Variants in MGAT4C observed in about 807,000 individuals in gnomAD.
MGAT4C encodes MGAT4 family member C, also known as alpha-1,3-mannosyl-glycoprotein 4-beta-N-acetylglucosaminyltransferase C.
MGAT4C carries 19 observed loss-of-function variants against 40.1 expected under a neutral mutation model. The observed-to-expected ratio is 0.47, with a 90% CI of 0.33 to 0.70. The LOEUF is 0.70. MGAT4C is among the 30% of genes least tolerant of loss of function. The probability of loss-of-function intolerance (pLI) is 0.02; values close to 1 mark genes in which losing one functional copy is unlikely to be tolerated. For synonymous variants in MGAT4C, 181 were observed against 187.1 expected (o/e 0.97, Z 0.27); for missense variants, 491 against 563.2 (o/e 0.87, Z 1.30).
chr12:86,049,061 G>A (rs1892661887), intron 2 of MGAT4C, among the ~76,000 whole-genome samples: 1 of 151,974 alleles, frequency 6.6e-6, no homozygotes, highest in African/African-American at 2.4e-5. Context: ...TTAGCAGATA[G>A]ACAAGGTGTA....
At chr12:86,141,495 G>T (rs866893) in intron 1 of MGAT4C, among the ~76,000 whole-genome samples, 121,477 of 152,088 alleles carry the variant, frequency 0.8, 49,063 homozygotes, top group East Asian at 1. Flanking sequence ...ATCTTTTCAT[G>T]TGTCTAGGCA....
chr12:86,663,341 C>T (rs1159967758), intron 2 of MGAT4C, among the ~76,000 whole-genome samples: 1 of 129,306 alleles, frequency 7.7e-6, no homozygotes, highest in Non-Finnish European at 1.6e-5. Flanking sequence ...AAAAGTGATA[C>T]CTCCTCTGTC....
intron 2 of MGAT4C, among the ~76,000 whole-genome samples, chr12:86,655,552 C>G (rs1963825854): frequency 6.6e-6 from 1 of 152,004 alleles, no homozygotes. Flanking sequence ...ACTTGAATGC[C>G]ATATTCAATG....
chr12:86,665,526 G>A (rs1160025452), intron 2 of MGAT4C, among the ~76,000 whole-genome samples: 18 of 151,844 alleles, frequency 1.2e-4, no homozygotes, highest in African/African-American at 4.4e-4. Flanking sequence ...ACAGGTGCCC[G>A]CCACCATGCC....
At chr12:86,001,652 T>C (rs999896354) in intron 2 of MGAT4C, 2 of 983,756 alleles carry the variant, frequency 2.0e-6, no homozygotes, top group Non-Finnish European at 2.4e-6. Context: ...CCTGTTTCTT[T>C]TTGTAAGAAG....
chr12:86,145,000 A>C (rs975193481), intron 1 of MGAT4C, among the ~76,000 whole-genome samples: 4 of 152,176 alleles, frequency 2.6e-5, no homozygotes, highest in Non-Finnish European at 5.9e-5. Flanking sequence ...AAAAATATTA[A>C]AGACTCAACT....
intron 3 of MGAT4C, among the ~76,000 whole-genome samples, chr12:86,345,759 G>A (rs1955017467): frequency 1.3e-5 from 2 of 152,120 alleles, no homozygotes; most frequent in South Asian, 4.1e-4. Flanking sequence ...AATCCTTTGG[G>A]TATATACCCA....
intron 2 of MGAT4C, among the ~76,000 whole-genome samples, chr12:86,717,453 T>C (rs911461831): frequency 6.6e-6 from 1 of 152,168 alleles, no homozygotes; most frequent in Non-Finnish European, 1.5e-5. Flanking sequence ...TTCTGAATTG[T>C]AGGTTGCCTT....
chr12:86,512,880 C>T (rs1958616741), intron 2 of MGAT4C, among the ~76,000 whole-genome samples: 3 of 152,002 alleles, frequency 2.0e-5, no homozygotes, highest in Non-Finnish European at 4.4e-5. Flanking sequence ...GTTAATAATA[C>T]TGTATTGTAT....
intron 2 of MGAT4C, among the ~76,000 whole-genome samples, chr12:86,652,563 T>A (rs1486858035): frequency 1.3e-5 from 2 of 151,872 alleles, no homozygotes; most frequent in Admixed American, 1.3e-4. Context: ...TTTGAGGAGT[T>A]TGGAATGCTG....
chr12:86,635,235 A>G (rs1402182442), intron 2 of MGAT4C, among the ~76,000 whole-genome samples: 1 of 152,142 alleles, frequency 6.6e-6, no homozygotes, highest in Non-Finnish European at 1.5e-5. Context: ...GCATTGTCAG[A>G]AAGTCAAATG....
At chr12:86,354,555 C>T (rs1004504332) in intron 3 of MGAT4C, among the ~76,000 whole-genome samples, 2 of 151,650 alleles carry the variant, frequency 1.3e-5, no homozygotes, top group African/African-American at 4.8e-5. Context: ...TAAGAATAAA[C>T]CACAGAAAAT....
intron 3 of MGAT4C, among the ~76,000 whole-genome samples, chr12:86,400,570 A>G (rs892118997): frequency 1.3e-5 from 2 of 152,246 alleles, no homozygotes; most frequent in African/African-American, 4.8e-5. Flanking sequence ...AAGGAAAAAC[A>G]GAGAAGCATT....
At chr12:85,983,929 A>G (rs1884925101) in intron 3 of MGAT4C, among the ~76,000 whole-genome samples, 1 of 152,182 alleles carries the variant, frequency 6.6e-6, no homozygotes, top group Non-Finnish European at 1.5e-5. Context: ...GGACACATTA[A>G]TAATGATAAT....
chr12:86,496,224 G>A (rs992030759), intron 2 of MGAT4C, among the ~76,000 whole-genome samples: 1 of 151,960 alleles, frequency 6.6e-6, no homozygotes, highest in African/African-American at 2.4e-5. Flanking sequence ...TGGGTTTTGA[G>A]TGGCTCTCTT....
At chr12:86,471,849 C>T (rs1957762035) in intron 2 of MGAT4C, among the ~76,000 whole-genome samples, 1 of 151,938 alleles carries the variant, frequency 6.6e-6, no homozygotes, top group Admixed American at 6.6e-5. Context: ...ATGCTATGAA[C>T]CATGGAAGTG....
chr12:86,203,795 T>C (rs1950140853), intron 1 of MGAT4C, among the ~76,000 whole-genome samples: 1 of 151,580 alleles, frequency 6.6e-6, no homozygotes, highest in South Asian at 2.1e-4. Flanking sequence ...CCGTCTCTAC[T>C]ACCAATACAA....
At chr12:86,255,224 C>A (rs374694511) in intron 1 of MGAT4C, among the ~76,000 whole-genome samples, 107 of 152,216 alleles carry the variant, frequency 7.0e-4, no homozygotes, top group African/African-American at 2.3e-3. Flanking sequence ...TTTTCTGTGG[C>A]TTTATTTCAT....
intron 1 of MGAT4C, among the ~76,000 whole-genome samples, chr12:86,763,770 A>C (rs1480748572): frequency 6.6e-6 from 1 of 152,138 alleles, no homozygotes; most frequent in East Asian, 1.9e-4. Context: ...CCTGACACAT[A>C]ATAGTTGTTC....
Sources: allele counts gnomAD v4.1 joint callset (sites outside exome capture counted in the v4.1 genomes callset), GRCh38; gene constraint gnomAD v4.1.1; transcripts MANE v1.5; gene names NCBI Gene and HGNC (gene_info 2026-07-23, HGNC 2026-07-21).